The following SLC9C1 variants were observed in gnomAD, a reference collection of about 807,000 sequenced individuals.
SLC9C1 encodes sodium/hydrogen exchanger 10.
SLC9C1 carries 97 observed loss-of-function variants against 140.9 expected under a neutral mutation model. The observed-to-expected ratio is 0.69, with a 90% CI of 0.58 to 0.82. SLC9C1 has a LOEUF of 0.82. Among genes scored for constraint, SLC9C1 ranks in the 40% least tolerant of loss-of-function variants. SLC9C1 has a pLI of 0.00. For missense variants in SLC9C1, 1,340 were observed against 1,389.3 expected, an observed-to-expected ratio of 0.96 and a Z score of 0.56; for synonymous variants, 440 against 442.6, an observed-to-expected ratio of 0.99 and a Z score of 0.07.
At chr3:112,141,720 T>A (rs1040770837) in intron 28 of SLC9C1, among the ~76,000 whole-genome samples, 20 of 152,184 alleles carry the variant, frequency 1.3e-4, no homozygotes, top group Non-Finnish European at 1.8e-4. Context: ...CAATAATGTT[T>A]AATAGTTTCA....
At chr3:112,219,022 G>A (rs189101464) in intron 14 of SLC9C1, among the ~76,000 whole-genome samples, 284 of 152,258 alleles carry the variant, frequency 1.9e-3, no homozygotes, top group Non-Finnish European at 1.9e-3. Context: ...AACCTGCATC[G>A]TGAATATAAC....
intron 20 of SLC9C1, among the ~76,000 whole-genome samples, chr3:112,188,498 TC>T (rs2077583433): frequency 6.6e-6 from 1 of 151,976 alleles, no homozygotes; most frequent in Non-Finnish European, 1.5e-5. Context: ...TGGTTTTCTA[TC>T]CTTGCAATAG....
intron 13 of SLC9C1, among the ~76,000 whole-genome samples, chr3:112,224,755 GAAA>G (rs1410910224): frequency 6.7e-6 from 1 of 149,122 alleles, no homozygotes; most frequent in Non-Finnish European, 1.5e-5. Context: ...AAAAGAGAAA[GAAA>G]AAAGAGAAAA....
rs147530807 is a variant in SLC9C1, at chr3:112,197,673, G to A, written c.2523+1648C>T. On this transcript the variant is annotated intron_variant, in intron 20 of 28. Coordinates refer to ENST00000305815, the MANE Select transcript of SLC9C1 (RefSeq NM_183061.3). The stretch of plus-strand genomic sequence containing the variant: ...GACAGATTTTGCCAGTGCAATTGTT[G>A]TCTAAAAGGAGAGACAGATTTCTGA... Among the ~76,000 whole-genome samples, 80 of 152,206 alleles carry A rather than the reference G, an allele frequency of 5.3e-4. 1 individual carries two copies. The highest frequency in any genetic ancestry group is 1.9e-3 in the African/African-American group (77 of 41,548).
intron 20 of SLC9C1, among the ~76,000 whole-genome samples, chr3:112,191,157 C>A (rs2077653649): frequency 6.6e-6 from 1 of 152,098 alleles, no homozygotes; most frequent in Non-Finnish European, 1.5e-5. Context: ...AAAATGGAGA[C>A]AGTCTCACTT....
intron 7 of SLC9C1, among the ~76,000 whole-genome samples, chr3:112,268,377 T>C (rs1434414045): frequency 6.6e-6 from 1 of 152,226 alleles, no homozygotes; most frequent in Admixed American, 6.5e-5. Context: ...TTCCCATTAC[T>C]CTAGCACTTC....
chr3:112,277,591 T>C, intron 5 of SLC9C1, 104 bp downstream of exon 5: 2 of 1,029,866 alleles, frequency 1.9e-6, no homozygotes, highest in Non-Finnish European at 2.7e-6. Context: ...CCTCACTACC[T>C]GACTTCTCAC....
intron 13 of SLC9C1, 65 bp downstream of exon 13, chr3:112,231,296 T>A (rs2078819914): frequency 6.3e-7 from 1 of 1,584,506 alleles, no homozygotes; most frequent in South Asian, 1.1e-5. Flanking sequence ...GATGTCTTTA[T>A]AAAGGAGGAA....
At chr3:112,186,749 T>C (rs949760064) in intron 20 of SLC9C1, among the ~76,000 whole-genome samples, 3 of 152,222 alleles carry the variant, frequency 2.0e-5, no homozygotes, top group Admixed American at 1.3e-4. Flanking sequence ...GGTTTAATGA[T>C]GGTTAAATAA....
Position 112,278,784 on chromosome 3 carries a change from A to G in SLC9C1, c.263T>C (p.Phe88Ser). 1 of 1,611,244 alleles carries G rather than the reference A, an allele frequency of 6.2e-7. No individual in the cohort carries two copies. The highest frequency in any genetic ancestry group is 8.5e-7 in the Non-Finnish European group (1 of 1,178,750). The part of the protein sequence containing the change: ...LFFRIFTPVV[F>S]FTTAFDMDTY... ...ATCCATGTCAAATGCAGTAGTAAAG[A>G]AAACTACTGGTGTAAATATACGAAA... is the stretch of plus-strand genomic sequence containing the variant. The change falls in exon 4 of 29, where the codon TTC becomes TCC. Residue 88 changes from phenylalanine to serine, a missense_variant. Transcript: ENST00000305815.
At chr3:112,161,913 T>C (rs1180171828) in intron 26 of SLC9C1, among the ~76,000 whole-genome samples, 1 of 151,594 alleles carries the variant, frequency 6.6e-6, no homozygotes, top group Non-Finnish European at 1.5e-5. Flanking sequence ...CATGGAATGT[T>C]CTTCCATTTG....
At chr3:112,177,024 GGTGATAGAGTCTTTC>G (rs2077352196) in intron 23 of SLC9C1, among the ~76,000 whole-genome samples, 31 of 47,886 alleles carry the variant, frequency 6.5e-4, no homozygotes, top group African/African-American at 2.6e-3. Flanking sequence ...TTTTTTTTTT[GGTGATAGAGTCTTTC>G]TCTGTCACCC....
At position 112,202,288 on chromosome 3, in the gene SLC9C1, T is replaced by C; in HGVS notation, c.2284A>G (p.Ile762Val). ...YVQGEADIMT[I>V]IDQITSSKQI... is the part of the protein sequence containing the mutation. Reference sequence around the variant, plus strand: ...TTAGAACTTGTAATCTGATCAATTATGGTCATTATGTCTGCTTCGCCTTGG... The same window carrying C: ...TTAGAACTTGTAATCTGATCAATTACGGTCATTATGTCTGCTTCGCCTTGG... The change falls in exon 18 of 29, where the codon ATA becomes GTA. Residue 762 changes from isoleucine (I) to valine (V), a missense_variant. Coordinates refer to ENST00000305815, the MANE Select transcript of SLC9C1 (RefSeq NM_183061.3). 6.2e-7 allele frequency: 1 copy of C among 1,611,618 alleles called. No individual in the cohort carries two copies. Among genetic ancestry groups the C allele is most frequent in the Non-Finnish European group, 8.5e-7 (1 of 1,178,918 alleles).
intron 27 of SLC9C1, among the ~76,000 whole-genome samples, chr3:112,153,473 C>A (rs1434521572): frequency 6.6e-6 from 1 of 151,978 alleles, no homozygotes; most frequent in African/African-American, 2.4e-5. Context: ...TATTCCCTAG[C>A]CTTCAGGAGC....
Position 112,179,550 on chromosome 3 carries a change from G to A in SLC9C1, c.2900C>T (p.Thr967Ile). The A allele has an allele frequency of 4.4e-6, 7 of 1,604,060 alleles. No homozygotes were observed. The highest frequency in any genetic ancestry group is 5.1e-6 in the Non-Finnish European group (6 of 1,176,852). The change falls in exon 23 of 29, where the codon ACC (threonine) becomes ATC (isoleucine). Residue 967 changes from threonine to isoleucine, a missense_variant. By Grantham distance (89) the Thr-to-Ile change is moderately conservative. Coordinates refer to ENST00000305815, the MANE Select transcript of SLC9C1 (RefSeq NM_183061.3). ...TCTGACCTCCACTACAGTTTTGCAG[G>A]TGGCAGAATATTTCATAGGTTCATT... is the stretch of plus-strand genomic sequence containing the variant. ...LTNEPMKYSA[T>I]CKTVVETCFI...
intron 28 of SLC9C1, among the ~76,000 whole-genome samples, chr3:112,150,769 C>CATATATATATAAATACATATACAT (rs2074934997): frequency 3.2e-5 from 4 of 126,546 alleles, no homozygotes; most frequent in African/African-American, 1.2e-4. Flanking sequence ...TATAAAAATA[C>CATATATATATAAATACATATACAT]ATATATATAT....
intron 5 of SLC9C1, 131 bp downstream of exon 5, chr3:112,277,564 A>G: frequency 2.7e-6 from 2 of 737,812 alleles, no homozygotes; most frequent in Non-Finnish European, 4.0e-6. Context: ...TCTCTGCTTA[A>G]TCCTCAACCC....
intron 25 of SLC9C1, 132 bp from the exon 26 acceptor site, chr3:112,167,479 AT>A: frequency 1.2e-6 from 1 of 820,408 alleles, no homozygotes; most frequent in Middle Eastern, 3.9e-4. Flanking sequence ...ATCAACACAA[AT>A]AAGATTAATA....
intron 23 of SLC9C1, among the ~76,000 whole-genome samples, chr3:112,173,545 T>C (rs752082967): frequency 9.9e-5 from 15 of 152,240 alleles, no homozygotes; most frequent in Non-Finnish European, 1.5e-4. Context: ...TGCTTTTCTG[T>C]TCCTGTGTTA....
Sources: gnomAD v4.1 joint callset for allele counts (sites outside exome capture counted in the v4.1 genomes callset) on GRCh38, gnomAD v4.1.1 for gene constraint, MANE v1.5 for transcripts, NCBI Gene and HGNC (gene_info 2026-07-23, HGNC 2026-07-21) for gene names.